Variants in DSCAM observed in about 807,000 individuals in gnomAD.
DSCAM encodes the protein DS cell adhesion molecule, also known as cell adhesion molecule DSCAM.
DSCAM carries 47 observed loss-of-function variants against 217.7 expected under a neutral mutation model. The ratio of observed to expected loss-of-function variants is 0.22; its 90% CI spans 0.17 to 0.28. The LOEUF (loss-of-function observed/expected upper bound fraction) is 0.28, where lower values mean the gene tolerates loss of function less well. DSCAM is among the 10% of genes least tolerant of loss of function. The pLI, the probability that DSCAM is intolerant of heterozygous loss-of-function variation, is 1.00. For missense variants in DSCAM, 2,080 were observed against 2,618.3 expected (o/e 0.79, Z 4.49); for synonymous variants, 1,056 against 1,015.3 (o/e 1.04, Z -0.76).
In DSCAM at chr21:40,044,111, C is replaced by T. The variant is rs940476276; in HGVS notation, c.5350G>A (p.Asp1784Asn). ...RAAGSVDKES[D>N]SYSVSPSQDT... is the part of the protein sequence containing the mutation. ...TGCGAGGGGCTGACGCTGTAACTGT[C>T]GCTCTCTTTGTCTACTGATCCTGCA... The change falls in exon 31 of 33, where the codon GAC becomes AAC. Residue 1784 changes from aspartate to asparagine, a missense_variant. Physicochemically the swap from Asp to Asn is conservative, Grantham distance 23. Transcript: ENST00000400454. The T allele has an allele frequency of 7.4e-6, 12 of 1,613,870 alleles. No individual in the cohort carries two copies. The highest frequency in any genetic ancestry group is 5.3e-5 in the African/African-American group (4 of 74,926).
intron 8 of DSCAM, among the ~76,000 whole-genome samples, chr21:40,337,554 G>A (rs897930054): frequency 2.0e-5 from 3 of 152,060 alleles, no homozygotes; most frequent in Non-Finnish European, 4.4e-5. Flanking sequence ...AGATCATCCT[G>A]ACAGGTAGAT....
chr21:40,644,088 A>G (rs2205137), intron 3 of DSCAM, among the ~76,000 whole-genome samples: 88,760 of 152,002 alleles, frequency 0.58, 26,243 homozygotes, highest in East Asian at 0.69. Context: ...TCCAAGACTG[A>G]GATTCAGAAT....
chr21:40,128,516 G>T (rs1029477193), intron 19 of DSCAM, among the ~76,000 whole-genome samples: 1 of 151,988 alleles, frequency 6.6e-6, no homozygotes, highest in African/African-American at 2.4e-5. Context: ...GGTGGGCTGG[G>T]TTTAATCAGA....
intron 3 of DSCAM, among the ~76,000 whole-genome samples, chr21:40,500,093 C>G (rs1474441086): frequency 6.6e-6 from 1 of 152,092 alleles, no homozygotes; most frequent in Non-Finnish European, 1.5e-5. Flanking sequence ...GCTGAGTACC[C>G]TTCTTTAGGA....
At chr21:40,780,419 G>GTATATATATATATATA (rs1417914986) in intron 1 of DSCAM, among the ~76,000 whole-genome samples, 11 of 44,706 alleles carry the variant, frequency 2.5e-4, no homozygotes, top group African/African-American at 1.8e-3. Context: ...GTGTGTGTGT[G>GTATATATATATATATA]TGTGTATATA....
At position 40,682,064 on chromosome 21, in the gene DSCAM, C is replaced by A. The variant is rs558666216; in HGVS notation, c.508+10746G>T. 3.0e-4 allele frequency among the ~76,000 whole-genome samples: 46 copies of A among 152,074 alleles called. No homozygotes were observed. The South Asian group carries it at 5.6e-3, about 19-fold the overall frequency. On this transcript the variant is annotated intron_variant, in intron 3 of 32. Coordinates refer to ENST00000400454, the MANE Select transcript of DSCAM (RefSeq NM_001389.5). ...TTCTATTGTTTGAAACCAGTCAGTT[C>A]ATGGTATTTTTTTTTTGTAGTCCTA...
chr21:40,388,809 T>A (rs1255797747), intron 3 of DSCAM, among the ~76,000 whole-genome samples: 1 of 152,204 alleles, frequency 6.6e-6, no homozygotes, highest in Non-Finnish European at 1.5e-5. Flanking sequence ...AATTCACCAC[T>A]CTGGGTAAGC....
intron 7 of DSCAM, 108 bp from the exon 8 acceptor site, chr21:40,338,484 C>T (rs2074452508): frequency 4.2e-6 from 5 of 1,186,038 alleles, no homozygotes; most frequent in African/African-American, 1.5e-5. Flanking sequence ...TTCATGTAAG[C>T]ACATCTTTTT....
chr21:40,558,459 A>AG (rs1014372925), intron 3 of DSCAM, among the ~76,000 whole-genome samples: 65 of 151,876 alleles, frequency 4.3e-4, no homozygotes, highest in African/African-American at 1.5e-3. Flanking sequence ...AAAAGAAAAA[A>AG]AAAAAAATTA....
intron 16 of DSCAM, among the ~76,000 whole-genome samples, chr21:40,152,352 T>C (rs988987212): frequency 6.6e-6 from 1 of 152,254 alleles, no homozygotes; most frequent in South Asian, 2.1e-4. Flanking sequence ...GAGAAGGTCA[T>C]GCCTGCTCCT....
intron 3 of DSCAM, among the ~76,000 whole-genome samples, chr21:40,612,511 C>T (rs1377988199): frequency 3.9e-5 from 6 of 152,130 alleles, no homozygotes; most frequent in East Asian, 1.9e-4. Flanking sequence ...AGATTTGCCG[C>T]GAGGAGAAAG....
chr21:40,413,934 A>C (rs1185637507), intron 3 of DSCAM, among the ~76,000 whole-genome samples: 1 of 152,210 alleles, frequency 6.6e-6, no homozygotes, highest in East Asian at 1.9e-4. Context: ...TATGGCCAAA[A>C]TGGACCTCAA....
intron 20 of DSCAM, among the ~76,000 whole-genome samples, chr21:40,113,305 C>T (rs1056690044): frequency 2.6e-5 from 4 of 152,096 alleles, no homozygotes; most frequent in Admixed American, 2.6e-4. Flanking sequence ...GAACCAAAGA[C>T]AAAAACCACA....
At chr21:40,190,985 C>A (rs1242752317) in intron 11 of DSCAM, among the ~76,000 whole-genome samples, 2 of 152,050 alleles carry the variant, frequency 1.3e-5, no homozygotes, top group African/African-American at 2.4e-5. Flanking sequence ...ACATAACAAC[C>A]TTTTTATTTG....
At chr21:40,661,237 T>C (rs909480302) in intron 3 of DSCAM, among the ~76,000 whole-genome samples, 6 of 152,208 alleles carry the variant, frequency 3.9e-5, no homozygotes, top group African/African-American at 1.4e-4. Context: ...ACAAATACGT[T>C]GCAGAGGTTT....
intron 3 of DSCAM, among the ~76,000 whole-genome samples, chr21:40,687,433 C>G (rs2090491557): frequency 6.6e-6 from 1 of 152,116 alleles, no homozygotes. Context: ...CAGTGAGGAG[C>G]AATAAAATCA....
chr21:40,171,270 G>A (rs1208415259), intron 15 of DSCAM, among the ~76,000 whole-genome samples: 1 of 151,812 alleles, frequency 6.6e-6, no homozygotes, highest in Non-Finnish European at 1.5e-5. Context: ...TAGAGATGGG[G>A]TTTCGCCATG....
At position 40,055,804 on chromosome 21, in the gene DSCAM, T is replaced by A. The variant is rs1476503234; in HGVS notation, c.4956A>T (p.Gln1652His). The A allele has an allele frequency of 5.0e-6, 8 of 1,613,900 alleles. No homozygotes were observed. Among genetic ancestry groups the A allele is most frequent in the Non-Finnish European group, 6.8e-6 (8 of 1,179,752 alleles). ...NTRTSDTLSK[Q>H]QQTLRMHIDI... ...CGATGTGCATTCGCAGGGTCTGCTG[T>A]TGCTTGCTTAACGTATCTGAAGTCC... The change falls in exon 29 of 33, where the codon CAA becomes CAT. Residue 1652 changes from glutamine to histidine, a missense_variant. By Grantham distance (24) the Gln-to-His change is conservative. Transcript: ENST00000400454.
chr21:40,426,182 C>A lies in DSCAM; in HGVS notation c.509-56937G>T, dbSNP rs144149968. 5.8e-3 allele frequency among the ~76,000 whole-genome samples: 876 copies of A among 152,312 alleles called. 7 individuals are homozygous for A. Among genetic ancestry groups the A allele is most frequent in the African/African-American group, 0.019 (799 of 41,566 alleles). Reference sequence around the variant, plus strand: ...AGGCACAATTGTCAGGGGCTTGTGCCCTGGGGCTAGCTAAGCAGGAGGCAG... The same window carrying A: ...AGGCACAATTGTCAGGGGCTTGTGCACTGGGGCTAGCTAAGCAGGAGGCAG... On this transcript the variant is annotated intron_variant, in intron 3 of 32. Coordinates refer to ENST00000400454, the MANE Select transcript of DSCAM (RefSeq NM_001389.5).
Sources: gnomAD v4.1 joint callset for allele counts (sites outside exome capture counted in the v4.1 genomes callset) on GRCh38, gnomAD v4.1.1 for gene constraint, MANE v1.5 for transcripts, NCBI Gene and HGNC (gene_info 2026-07-23, HGNC 2026-07-21) for gene names.